The following TMEM30A variants were observed in gnomAD, a reference collection of about 807,000 sequenced individuals.
The protein encoded by TMEM30A is cell division cycle 50 P4-ATPase accessory subunit A, also known as cell cycle control protein 50A.
Under a neutral mutation model 38.2 loss-of-function variants are expected in TMEM30A, and 24 were observed. That is an observed-to-expected ratio of 0.63 (90% CI 0.46 to 0.88). The LOEUF is 0.88. Among genes scored for constraint, TMEM30A ranks in the 40% least tolerant of loss-of-function variants. TMEM30A has a pLI of 0.00. For missense variants in TMEM30A, 370 were observed against 458.6 expected (o/e 0.81, Z 1.77); for synonymous variants, 145 against 161.6 (o/e 0.90, Z 0.78).
chr6:75,276,845 C>T lies in TMEM30A; in HGVS notation c.237+7557G>A, dbSNP rs186571600. 3.9e-5 allele frequency among the ~76,000 whole-genome samples: 6 copies of T among 152,258 alleles called. No individual in the cohort carries two copies. In the East Asian group the frequency reaches 1.2e-3, roughly 29 times the overall value. ...CCCTCATCTTCTACCATTCTTCCCC[C>T]TCTACTTCAGCCATATTGGCCTCTT... is the stretch of plus-strand genomic sequence containing the variant. On this transcript the variant is annotated intron_variant, in intron 1 of 6. Transcript: ENST00000230461.
chr6:75,267,072 C>T (rs1287609209), intron 2 of TMEM30A, among the ~76,000 whole-genome samples: 1 of 152,180 alleles, frequency 6.6e-6, no homozygotes, highest in African/African-American at 2.4e-5. Context: ...ACAGAGTGGT[C>T]TTTACATGCC....
At chr6:75,260,643 T>G (rs932558137) in intron 4 of TMEM30A, among the ~76,000 whole-genome samples, 181 bp downstream of exon 4, 6 of 152,164 alleles carry the variant, frequency 3.9e-5, no homozygotes, top group African/African-American at 1.2e-4. Context: ...AAATCCACTC[T>G]AAAATGTAAG....
intron 1 of TMEM30A, among the ~76,000 whole-genome samples, chr6:75,271,981 G>T (rs982112038): frequency 2.0e-5 from 3 of 152,136 alleles, no homozygotes; most frequent in African/African-American, 7.2e-5. Flanking sequence ...AGAAAGAGGT[G>T]GCATATGGAG....
rs537189996 is a variant in TMEM30A, at chr6:75,284,118, C to G, written c.237+284G>C. 107 of 459,354 alleles carry G rather than the reference C, an allele frequency of 2.3e-4. No individual in the cohort carries two copies. In the Middle Eastern group the frequency reaches 3.7e-3, roughly 16 times the overall value. The allele number at this position is 459,354 out of a possible 1,614,324, so 28.5% of individuals were successfully genotyped here. ...ACAAACCGCCCACTGAAGAAGCGTT[C>G]TCCACCTGACCTATCTTCTGCATTA... is the stretch of plus-strand genomic sequence containing the variant. On this transcript the variant is annotated intron_variant, in intron 1 of 6. Transcript: ENST00000230461.
At chr6:75,259,565 T>C (rs1771930256) in intron 4 of TMEM30A, 75 bp from the exon 5 acceptor site, 1 of 1,320,930 alleles carries the variant, frequency 7.6e-7, no homozygotes, top group Non-Finnish European at 1.0e-6. Context: ...CTATGAGAAA[T>C]AAGGACCTGA....
Position 75,284,385 on chromosome 6 carries a change from C to T in TMEM30A, c.237+17G>A. On this transcript the variant is annotated intron_variant, in intron 1 of 6. Transcript: ENST00000230461. ...TCCCGAGCAACGCCAACTCCCACCA[C>T]AGCTCCCTCCCCTCACCTCGATCTC... 1 of 1,612,392 alleles carries T rather than the reference C, an allele frequency of 6.2e-7. No homozygotes were observed. Among genetic ancestry groups the T allele is most frequent in the Non-Finnish European group, 8.5e-7 (1 of 1,178,474 alleles).
intron 3 of TMEM30A, among the ~76,000 whole-genome samples, chr6:75,261,247 C>T (rs1771959335): frequency 6.6e-6 from 1 of 152,152 alleles, no homozygotes; most frequent in Non-Finnish European, 1.5e-5. Context: ...GGTCTATTGC[C>T]AATCCAGTTG....
chr6:75,281,280 CCAA>C (rs1772352370), intron 1 of TMEM30A, among the ~76,000 whole-genome samples: 1 of 152,134 alleles, frequency 6.6e-6, no homozygotes, highest in Non-Finnish European at 1.5e-5. Context: ...CTCAGTCTCA[CCAA>C]CAAGGGTCCT....
chr6:75,263,160 G>A (rs974757031), intron 3 of TMEM30A, among the ~76,000 whole-genome samples: 4 of 152,208 alleles, frequency 2.6e-5, no homozygotes, highest in Non-Finnish European at 4.4e-5. Flanking sequence ...AGCCAGCCAT[G>A]TAAAGAGAAG....
intron 2 of TMEM30A, 125 bp downstream of exon 2, chr6:75,267,516 C>T (rs1405625399): frequency 1.7e-6 from 1 of 583,576 alleles, no homozygotes; most frequent in African/African-American, 1.9e-5. Context: ...CCTCAAAAGC[C>T]TATAAACTCC....
At chr6:75,276,110 T>C (rs1483664895) in intron 1 of TMEM30A, among the ~76,000 whole-genome samples, 4 of 152,226 alleles carry the variant, frequency 2.6e-5, no homozygotes, top group East Asian at 1.9e-4. Context: ...AGCTTCCAGA[T>C]AGCTGAACAC....
chr6:75,275,397 T>C (rs185255305), intron 1 of TMEM30A, among the ~76,000 whole-genome samples: 114 of 152,308 alleles, frequency 7.5e-4, no homozygotes, highest in African/African-American at 2.6e-3. Context: ...CTACTCATTA[T>C]TCCCAACTTG....
Position 75,254,827 on chromosome 6 carries a change from TTAAGAA to T in TMEM30A, c.*1269_*1274del, listed in dbSNP as rs1349948244. 3.3e-5 allele frequency: 5 copies of T among 152,618 alleles called. No homozygotes were observed. Among genetic ancestry groups the T allele is most frequent in the East Asian group, 1.9e-4 (1 of 5,182 alleles). The allele number at this position is 152,618 out of a possible 1,614,324, so 9.5% of individuals were successfully genotyped here. On this transcript the variant is annotated 3_prime_UTR_variant, in exon 7 of 7. Transcript: ENST00000230461. The stretch of plus-strand genomic sequence containing the variant: ...GGAAAAATTATTTTTAACTAGAACT[TTAAGAA>T]TAAGTTCCATAGCAAACAAGTTACA...
intron 1 of TMEM30A, among the ~76,000 whole-genome samples, chr6:75,276,727 G>A (rs1429624349): frequency 6.6e-6 from 1 of 152,146 alleles, no homozygotes; most frequent in Non-Finnish European, 1.5e-5. Flanking sequence ...ACCTATCTGT[G>A]CAAAACTTTT....
At chr6:75,264,374 GC>G (rs1772026648) in intron 3 of TMEM30A, among the ~76,000 whole-genome samples, 1 of 152,190 alleles carries the variant, frequency 6.6e-6, no homozygotes, top group Admixed American at 6.5e-5. Flanking sequence ...GGTGGCTCAA[GC>G]CTGTAATCCC....
At chr6:75,282,591 G>A (rs1198258434) in intron 1 of TMEM30A, among the ~76,000 whole-genome samples, 1 of 152,094 alleles carries the variant, frequency 6.6e-6, no homozygotes, top group African/African-American at 2.4e-5. Context: ...TGCAGTAAAA[G>A]GATCTTAGTG....
chr6:75,275,361 T>G (rs1252636389), intron 1 of TMEM30A, among the ~76,000 whole-genome samples: 1 of 152,170 alleles, frequency 6.6e-6, no homozygotes, highest in Non-Finnish European at 1.5e-5. Flanking sequence ...GTCTCAACCT[T>G]CCCCTTGAAC....
intron 6 of TMEM30A, among the ~76,000 whole-genome samples, chr6:75,257,032 T>A (rs1328317145): frequency 6.6e-6 from 1 of 152,168 alleles, no homozygotes; most frequent in Non-Finnish European, 1.5e-5. Flanking sequence ...AATCTAGGGT[T>A]AGGCCCCATC....
rs771661469 is a variant in TMEM30A at position 75,267,723 on chromosome 6, G to A, written c.263C>T (p.Ser88Phe). The A allele has an allele frequency of 9.9e-6, 16 of 1,609,256 alleles. No individual in the cohort carries two copies. The East Asian group carries it at 1.1e-4, about 11-fold the overall frequency. The change falls in exon 2 of 7, where the codon TCC becomes TTC. Residue 88 changes from serine (S) to phenylalanine (F), a missense_variant. Ser to Phe is a radical substitution (Grantham distance 155, BLOSUM62 -2). Coordinates refer to ENST00000230461, the MANE Select transcript of TMEM30A (RefSeq NM_018247.4). ...AGATAAACATTTATTACAGGGACTG[G>A]AAGGCTCTGTTCCGGTATAATCAAT... ...IEIDYTGTEP[S>F]SPCNKCLSPD...
Sources: gnomAD v4.1 joint callset for allele counts (sites outside exome capture counted in the v4.1 genomes callset) on GRCh38, gnomAD v4.1.1 for gene constraint, MANE v1.5 for transcripts, NCBI Gene and HGNC (gene_info 2026-07-23, HGNC 2026-07-21) for gene names.